Variants in UNC5D observed in about 807,000 individuals in gnomAD.
UNC5D encodes the protein unc-5 netrin receptor D, also known as netrin receptor UNC5D.
In UNC5D, 39 loss-of-function variants were observed where a neutral mutation model predicts 105.4. The ratio of observed to expected loss-of-function variants is 0.37; its 90% CI spans 0.29 to 0.48. UNC5D has a LOEUF of 0.48. Among genes scored for constraint, UNC5D ranks in the 20% least tolerant of loss-of-function variants. UNC5D has a pLI of 0.98. For synonymous variants in UNC5D, 452 were observed against 450.4 expected (o/e 1.00, Z -0.04); for missense variants, 991 against 1,202.4 (o/e 0.82, Z 2.60).
chr8:35,412,183 C>T (rs1028835985), intron 1 of UNC5D, among the ~76,000 whole-genome samples: 4 of 151,984 alleles, frequency 2.6e-5, no homozygotes, highest in Non-Finnish European at 4.4e-5. Context: ...GCAGGATTGG[C>T]TGTTAGGTTC....
At chr8:35,613,128 AG>A (rs1391279846) in intron 4 of UNC5D, among the ~76,000 whole-genome samples, 1 of 152,194 alleles carries the variant, frequency 6.6e-6, no homozygotes, top group African/African-American at 2.4e-5. Context: ...CCCAAGCTGG[AG>A]TGCAGTGGCA....
At chr8:35,719,494 G>C (rs977602536) in intron 8 of UNC5D, among the ~76,000 whole-genome samples, 12 of 152,300 alleles carry the variant, frequency 7.9e-5, no homozygotes, top group Middle Eastern at 3.4e-3. Context: ...TGTGGGTAAA[G>C]TCTGGTTCTA....
chr8:35,608,386 A>G (rs1252017412), intron 4 of UNC5D, among the ~76,000 whole-genome samples: 2 of 152,224 alleles, frequency 1.3e-5, no homozygotes, highest in Non-Finnish European at 2.9e-5. Flanking sequence ...TAAGGGTTAA[A>G]TAGGCTATTG....
chr8:35,411,674 A>G (rs965907619), intron 1 of UNC5D, among the ~76,000 whole-genome samples: 6 of 152,042 alleles, frequency 3.9e-5, no homozygotes, highest in Non-Finnish European at 7.4e-5. Context: ...AATTCCTTTA[A>G]CTAACTTTAT....
At chr8:35,244,305 T>G (rs1802960700) in intron 1 of UNC5D, among the ~76,000 whole-genome samples, 1 of 152,200 alleles carries the variant, frequency 6.6e-6, no homozygotes, top group Non-Finnish European at 1.5e-5. Flanking sequence ...ACCATGTAAT[T>G]CTATTTTATT....
chr8:35,606,053 T>C (rs1820272050), intron 4 of UNC5D, among the ~76,000 whole-genome samples: 1 of 151,438 alleles, frequency 6.6e-6, no homozygotes, highest in African/African-American at 2.4e-5. Context: ...AACGGTGTGA[T>C]CTCGGCTCAC....
chr8:35,749,109 T>G (rs1188729360), intron 12 of UNC5D, among the ~76,000 whole-genome samples: 2 of 152,292 alleles, frequency 1.3e-5, no homozygotes, highest in East Asian at 1.9e-4. Flanking sequence ...TTTTCCATCC[T>G]GGGGATTCTA....
intron 2 of UNC5D, among the ~76,000 whole-genome samples, chr8:35,559,271 C>G (rs1816786893): frequency 6.6e-6 from 1 of 152,180 alleles, no homozygotes; most frequent in African/African-American, 2.4e-5. Flanking sequence ...GTTAGCTGGT[C>G]ATTTACTGCT....
At chr8:35,510,310 CAA>C (rs11317897) in intron 1 of UNC5D, among the ~76,000 whole-genome samples, 2,251 of 71,868 alleles carry the variant, frequency 0.031, 72 homozygotes, top group African/African-American at 0.092. Flanking sequence ...TTTTTATATC[CAA>C]AAAAAAAAAA....
chr8:35,316,193 G>A (rs138266208), intron 1 of UNC5D, among the ~76,000 whole-genome samples: 45 of 152,230 alleles, frequency 3.0e-4, no homozygotes, highest in Non-Finnish European at 4.4e-4. Flanking sequence ...AAAAGCATTC[G>A]TATTAATGTG....
At chr8:35,320,093 C>A (rs1164179957) in intron 1 of UNC5D, among the ~76,000 whole-genome samples, 8 of 152,036 alleles carry the variant, frequency 5.3e-5, no homozygotes, top group African/African-American at 4.8e-5. Context: ...AGAACATGTG[C>A]CCAAGGTGGT....
At chr8:35,547,285 C>CTTTTTTT (rs11363785) in intron 1 of UNC5D, among the ~76,000 whole-genome samples, 9 of 128,020 alleles carry the variant, frequency 7.0e-5, no homozygotes, top group African/African-American at 1.2e-4. Context: ...GAACATTACT[C>CTTTTTTT]TTTTTTTTTT....
chr8:35,632,650 T>G (rs1235995303), intron 4 of UNC5D, among the ~76,000 whole-genome samples: 1 of 152,198 alleles, frequency 6.6e-6, no homozygotes, highest in Non-Finnish European at 1.5e-5. Flanking sequence ...TTACCTTTTT[T>G]TCTCTGTCTT....
At chr8:35,322,287 C>A (rs1809807936) in intron 1 of UNC5D, among the ~76,000 whole-genome samples, 1 of 151,952 alleles carries the variant, frequency 6.6e-6, no homozygotes, top group Non-Finnish European at 1.5e-5. Context: ...TTTCATGGTT[C>A]TTATTCCTTC....
At chr8:35,360,132 C>A (rs1180758465) in intron 1 of UNC5D, among the ~76,000 whole-genome samples, 1 of 151,954 alleles carries the variant, frequency 6.6e-6, no homozygotes, top group Non-Finnish European at 1.5e-5. Context: ...TTTTTCATGT[C>A]CCTGTGCCAT....
At chr8:35,788,959 A>G (rs1317034927) in intron 16 of UNC5D, among the ~76,000 whole-genome samples, 2 of 151,170 alleles carry the variant, frequency 1.3e-5, no homozygotes, top group African/African-American at 4.9e-5. Context: ...GAGAGGTATC[A>G]ATGAGCATAA....
intron 1 of UNC5D, among the ~76,000 whole-genome samples, chr8:35,307,233 A>G: frequency 6.6e-6 from 1 of 152,346 alleles, no homozygotes; most frequent in African/African-American, 2.4e-5. Flanking sequence ...AGGTTGGACC[A>G]GCTTGGCCTA....
chr8:35,395,176 A>T (rs1444558304), intron 1 of UNC5D, among the ~76,000 whole-genome samples: 1 of 152,206 alleles, frequency 6.6e-6, no homozygotes, highest in African/African-American at 2.4e-5. Context: ...AAGACCTTTT[A>T]TTCAAAGCAG....
intron 4 of UNC5D, among the ~76,000 whole-genome samples, chr8:35,657,045 AGTGTGTGTGTGT>A (rs3076999): frequency 7.0e-5 from 5 of 70,924 alleles, no homozygotes; most frequent in South Asian, 1.3e-3. Context: ...AGTGCAGTGG[AGTGTGTGTGTGT>A]GTGTGTGTGT....
Sources: allele counts gnomAD v4.1 joint callset (sites outside exome capture counted in the v4.1 genomes callset), GRCh38; gene constraint gnomAD v4.1.1; transcripts MANE v1.5; gene names NCBI Gene and HGNC (gene_info 2026-07-23, HGNC 2026-07-21).